The following AKAP6 variants were observed in gnomAD, a reference collection of about 807,000 sequenced individuals.
AKAP6 encodes A-kinase anchoring protein 6, also known as A-kinase anchor protein 6.
A neutral mutation model predicts 188.5 loss-of-function variants in AKAP6; 58 were observed. The ratio of observed to expected loss-of-function variants is 0.31; its 90% CI spans 0.25 to 0.38. The LOEUF (loss-of-function observed/expected upper bound fraction) is 0.38, where lower values mean the gene tolerates loss of function less well. Ranked by LOEUF, AKAP6 falls within the 10% of genes least tolerant of loss-of-function variation. AKAP6 has a pLI of 1.00. For synonymous variants in AKAP6, 989 were observed against 998.6 expected (o/e 0.99, Z 0.18); for missense variants, 2,710 against 2,740.0 (o/e 0.99, Z 0.24).
chr14:32,727,509 T>G (rs2030930889), intron 9 of AKAP6, among the ~76,000 whole-genome samples: 1 of 152,210 alleles, frequency 6.6e-6, no homozygotes, highest in Non-Finnish European at 1.5e-5. Flanking sequence ...TTTTAATATT[T>G]GTAGTTTGAT....
chr14:32,768,846 G>A (rs888940817), intron 11 of AKAP6, among the ~76,000 whole-genome samples: 23 of 152,036 alleles, frequency 1.5e-4, no homozygotes, highest in East Asian at 5.8e-4. Context: ...TTCAGAAGAC[G>A]TATAGTAGCA....
chr14:32,695,236 G>C (rs961987593), intron 8 of AKAP6, among the ~76,000 whole-genome samples: 19 of 152,044 alleles, frequency 1.2e-4, no homozygotes, highest in Non-Finnish European at 1.8e-4. Flanking sequence ...CGTGTCTGTG[G>C]GGAACACCTG....
intron 7 of AKAP6, among the ~76,000 whole-genome samples, chr14:32,656,111 A>G (rs1314408498): frequency 6.6e-6 from 1 of 152,106 alleles, no homozygotes; most frequent in African/African-American, 2.4e-5. Context: ...ACTAATTTGG[A>G]TTTTTTTAAA....
intron 11 of AKAP6, among the ~76,000 whole-genome samples, chr14:32,768,948 C>G (rs2032801649): frequency 6.7e-6 from 1 of 149,566 alleles, no homozygotes; most frequent in Non-Finnish European, 1.5e-5. Flanking sequence ...TGTAGAAAAT[C>G]TGGTCATAGG....
intron 2 of AKAP6, among the ~76,000 whole-genome samples, chr14:32,525,519 C>T (rs1278542519): frequency 6.6e-6 from 1 of 152,172 alleles, no homozygotes; most frequent in African/African-American, 2.4e-5. Flanking sequence ...TATTCTGCAT[C>T]TTCATCATTC....
chr14:32,597,974 C>G (rs962300989), intron 5 of AKAP6, among the ~76,000 whole-genome samples: 1 of 152,272 alleles, frequency 6.6e-6, no homozygotes, highest in Middle Eastern at 3.4e-3. Flanking sequence ...ATGACTCAGG[C>G]TACACTTCAT....
chr14:32,736,666 G>A (rs1433173542), intron 11 of AKAP6, among the ~76,000 whole-genome samples: 1 of 152,082 alleles, frequency 6.6e-6, no homozygotes, highest in Non-Finnish European at 1.5e-5. Context: ...AAATCTTAAA[G>A]AGGAGAAAAA....
At chr14:32,793,800 G>C in intron 12 of AKAP6, among the ~76,000 whole-genome samples, 1 of 150,148 alleles carries the variant, frequency 6.7e-6, no homozygotes, top group East Asian at 2.0e-4. Context: ...CAATAAAACT[G>C]ACTATCCTAA....
rs1016150488 is a variant in AKAP6 at position 32,835,112 on chromosome 14, A to G, written c.*5307A>G. The G allele has an allele frequency of 6.6e-6, 1 of 152,236 alleles. No homozygotes were observed. Among genetic ancestry groups the G allele is most frequent in the Admixed American group, 6.5e-5 (1 of 15,286 alleles). 9.4% of individuals were successfully genotyped at this position (152,236 alleles called of 1,614,324 possible). A position where few individuals can be genotyped will look rare whatever the true frequency, so the allele number is the denominator to read the frequency against. On this transcript the variant is annotated 3_prime_UTR_variant, in exon 14 of 14. Coordinates refer to ENST00000280979, the MANE Select transcript of AKAP6 (RefSeq NM_004274.5). Reference sequence around the variant, plus strand: ...AAGTTACGTACTTGCAACAAAAGCCATATGGCCTGCAAAACCTAAAACATT... The same window carrying G: ...AAGTTACGTACTTGCAACAAAAGCCGTATGGCCTGCAAAACCTAAAACATT...
intron 2 of AKAP6, among the ~76,000 whole-genome samples, chr14:32,480,103 T>C (rs1051346902): frequency 3.3e-5 from 5 of 152,176 alleles, no homozygotes; most frequent in African/African-American, 1.2e-4. Flanking sequence ...GGGGTTTGTG[T>C]CTCTTACTAG....
rs374865666 is a variant in AKAP6, at chr14:32,729,322, A to G, written c.3001-3132A>G. On this transcript the variant is annotated intron_variant, in intron 9 of 13. Transcript: ENST00000280979. ...GGTGTGGCGGGGAAGCCTTTAGCGT[A>G]ACTGTCAAAAAAGTTATCTCAATCA... is the stretch of plus-strand genomic sequence containing the variant. Among the ~76,000 whole-genome samples the G allele has an allele frequency of 2.3e-4, 35 of 152,144 alleles. 2 individuals carry two copies. In the South Asian group the frequency reaches 7.1e-3, roughly 31 times the overall value.
At chr14:32,607,915 G>A (rs894523797) in intron 7 of AKAP6, among the ~76,000 whole-genome samples, 7 of 151,696 alleles carry the variant, frequency 4.6e-5, no homozygotes, top group African/African-American at 1.2e-4. Flanking sequence ...CCTTTTTTTC[G>A]TTATCAGAAG....
chr14:32,560,266 G>C (rs905393746), intron 4 of AKAP6, among the ~76,000 whole-genome samples: 2 of 152,144 alleles, frequency 1.3e-5, no homozygotes, highest in African/African-American at 4.8e-5. Context: ...GACAAAAACT[G>C]TATATTAACA....
At position 32,704,211 on chromosome 14, in the gene AKAP6, T is replaced by C. The variant is rs368000856; in HGVS notation, c.3000+8101T>C. On this transcript the variant is annotated intron_variant, in intron 9 of 13. Coordinates refer to ENST00000280979, the MANE Select transcript of AKAP6 (RefSeq NM_004274.5). ...TAGTTGACCTGTTTGGGAGATTTTA[T>C]TACTTCCAATCAGGATAATAATTAG... 1.1e-4 allele frequency among the ~76,000 whole-genome samples: 17 copies of C among 152,318 alleles called. No individual in the cohort carries two copies. The South Asian group carries it at 2.9e-3, about 26-fold the overall frequency.
chr14:32,705,999 A>G (rs1341756871), intron 9 of AKAP6, among the ~76,000 whole-genome samples: 2 of 152,134 alleles, frequency 1.3e-5, no homozygotes, highest in Admixed American at 1.3e-4. Context: ...AACCAACTTC[A>G]AAGTAGATGG....
chr14:32,346,296 A>C (rs1887063993), intron 1 of AKAP6, among the ~76,000 whole-genome samples: 1 of 152,212 alleles, frequency 6.6e-6, no homozygotes, highest in Admixed American at 6.5e-5. Context: ...GGTTAAAATA[A>C]AGATGGAGAG....
intron 11 of AKAP6, among the ~76,000 whole-genome samples, chr14:32,757,628 C>A (rs1031014595): frequency 6.6e-6 from 1 of 152,208 alleles, no homozygotes; most frequent in Admixed American, 6.5e-5. Flanking sequence ...TTATTCAACA[C>A]CCTTCTCTTC....
chr14:32,670,080 G>A (rs1422429209), intron 7 of AKAP6, among the ~76,000 whole-genome samples: 4 of 146,774 alleles, frequency 2.7e-5, no homozygotes, highest in African/African-American at 1.0e-4. Flanking sequence ...CTGAGTGACA[G>A]AGTGAGACTC....
chr14:32,624,252 A>C lies in AKAP6; in HGVS notation c.2730+23460A>C, dbSNP rs1034020240. The stretch of plus-strand genomic sequence containing the variant: ...GTGGTCGTAAATGACAACAAAGCAC[A>C]GGACTAATAGGACAGAGGAAAATGT... On this transcript the variant is annotated intron_variant, in intron 7 of 13. Transcript: ENST00000280979. 2.0e-5 allele frequency among the ~76,000 whole-genome samples: 3 copies of C among 152,196 alleles called. No individual in the cohort carries two copies. In the East Asian group the frequency reaches 5.8e-4, roughly 29 times the overall value.
Sources: allele counts gnomAD v4.1 joint callset (sites outside exome capture counted in the v4.1 genomes callset), GRCh38; gene constraint gnomAD v4.1.1; transcripts MANE v1.5; gene names NCBI Gene and HGNC (gene_info 2026-07-23, HGNC 2026-07-21).